The following RGL1 variants were observed in gnomAD, a reference collection of about 807,000 sequenced individuals.
RGL1 encodes the protein ral guanine nucleotide dissociation stimulator like 1, also known as ral guanine nucleotide dissociation stimulator-like 1.
Under a neutral mutation model 95.2 loss-of-function variants are expected in RGL1, and 24 were observed. The observed-to-expected ratio is 0.25, with a 90% CI of 0.18 to 0.35. The LOEUF (loss-of-function observed/expected upper bound fraction) is 0.35. Ranked by LOEUF, RGL1 falls within the 10% of genes least tolerant of loss-of-function variation. The pLI is 1.00. For missense variants in RGL1, 715 were observed against 936.3 expected (o/e 0.76, Z 3.08); for synonymous variants, 329 against 344.9 (o/e 0.95, Z 0.51).
At chr1:183,687,296 C>G (rs1474017867) in intron 1 of RGL1, among the ~76,000 whole-genome samples, 1 of 152,190 alleles carries the variant, frequency 6.6e-6, no homozygotes, top group Non-Finnish European at 1.5e-5. Flanking sequence ...ACCTAGAACA[C>G]TGCTGGCAGG....
At chr1:183,875,051 A>G (rs552278457) in intron 4 of RGL1, among the ~76,000 whole-genome samples, 28 of 152,334 alleles carry the variant, frequency 1.8e-4, no homozygotes, top group Non-Finnish European at 3.1e-4. Context: ...TTACCTTTTC[A>G]TTATCTGCAG....
At chr1:183,768,324 C>A (rs1312536962) in intron 2 of RGL1, among the ~76,000 whole-genome samples, 1 of 152,036 alleles carries the variant, frequency 6.6e-6, no homozygotes, top group South Asian at 2.1e-4. Flanking sequence ...TACTTTATAA[C>A]CTTTTTTAAA....
At chr1:183,689,770 G>C (rs2102107131) in intron 1 of RGL1, among the ~76,000 whole-genome samples, 1 of 152,320 alleles carries the variant, frequency 6.6e-6, no homozygotes, top group African/African-American at 2.4e-5. Context: ...GCAAGTAGGG[G>C]TGGTGGGACA....
At chr1:183,722,582 A>G (rs1656071716) in intron 1 of RGL1, among the ~76,000 whole-genome samples, 1 of 152,216 alleles carries the variant, frequency 6.6e-6, no homozygotes, top group African/African-American at 2.4e-5. Context: ...TTAAAATTAG[A>G]GAAAAAAGGG....
At chr1:183,641,818 T>A (rs1434881485) in intron 1 of RGL1, among the ~76,000 whole-genome samples, 1 of 152,244 alleles carries the variant, frequency 6.6e-6, no homozygotes, top group Non-Finnish European at 1.5e-5. Context: ...TTGATTATTC[T>A]TTTCTTCTAT....
At chr1:183,735,068 C>CT (rs71130632) in intron 1 of RGL1, among the ~76,000 whole-genome samples, 69,561 of 150,006 alleles carry the variant, frequency 0.46, 16,857 homozygotes, top group East Asian at 0.79. Flanking sequence ...CTGGATTTTT[C>CT]TTTTTTTTTT....
chr1:183,901,550 A>C (rs897053993), intron 11 of RGL1, among the ~76,000 whole-genome samples: 1 of 152,186 alleles, frequency 6.6e-6, no homozygotes, highest in African/African-American at 2.4e-5. Flanking sequence ...TTTAATGTTG[A>C]GTAGGACTAC....
chr1:183,892,893 A>G (rs779310874), intron 9 of RGL1, among the ~76,000 whole-genome samples: 12 of 152,246 alleles, frequency 7.9e-5, no homozygotes, highest in Admixed American at 3.9e-4. Context: ...GTCTTTCTAT[A>G]AAGTAGATTT....
chr1:183,805,335 C>T lies in RGL1; in HGVS notation c.27+11C>T. The T allele has an allele frequency of 6.2e-7, 1 of 1,608,792 alleles. No individual in the cohort carries two copies. The highest frequency in any genetic ancestry group is 8.5e-7 in the Non-Finnish European group (1 of 1,177,034). On this transcript the variant is annotated intron_variant, in intron 1 of 17. Transcript: ENST00000360851. ...TGGCAAGCTAAAATGGTAACGAGAG[C>T]TCTCTGCCTTCTCCCGAGGCTTCTC...
chr1:183,648,023 T>G (rs775980223), intron 1 of RGL1: 1 of 1,614,070 alleles, frequency 6.2e-7, no homozygotes, highest in East Asian at 2.2e-5. Context: ...CCTCCTGAGC[T>G]TTTGTGTTTG....
chr1:183,885,749 A>G (rs556576962), intron 7 of RGL1, among the ~76,000 whole-genome samples: 3 of 152,316 alleles, frequency 2.0e-5, no homozygotes, highest in Admixed American at 1.3e-4. Flanking sequence ...CCCGTACACA[A>G]ACAAGGAAGC....
chr1:183,796,415 G>A (rs1255360415), intron 2 of RGL1, among the ~76,000 whole-genome samples: 3 of 152,066 alleles, frequency 2.0e-5, no homozygotes, highest in African/African-American at 4.8e-5. Flanking sequence ...ACCTGCCTCC[G>A]CCTCCCAAAG....
Position 183,838,021 on chromosome 1 carries a change from G to A in RGL1, c.139-9545G>A, listed in dbSNP as rs566400248. Among the ~76,000 whole-genome samples, 27 of 152,304 alleles carry A rather than the reference G, an allele frequency of 1.8e-4. No individual in the cohort carries two copies. The South Asian group carries it at 5.4e-3, about 30-fold the overall frequency. On this transcript the variant is annotated intron_variant, in intron 2 of 17. Coordinates refer to ENST00000360851, the MANE Select transcript of RGL1 (RefSeq NM_001297671.3). Reference sequence around the variant, plus strand: ...CCCGGTTCCTAACAGGCCATAGACTGCTACTGGTCCATGGTGCAGGGGTTG... The same window carrying A: ...CCCGGTTCCTAACAGGCCATAGACTACTACTGGTCCATGGTGCAGGGGTTG...
At position 183,642,225 on chromosome 1, in the gene RGL1, A is replaced by ACGTATTAAG. The variant is rs370854499; in HGVS notation, c.-33+5724_-33+5725insCGTATTAAG. On this transcript the variant is annotated intron_variant, in intron 1 of 18. Transcript: ENST00000304685. The stretch of plus-strand genomic sequence containing the variant: ...ATTTTATTAGTAATAGCAACCACTT[A>ACGTATTAAG]ATACGTTTATTGTGTGTCAGACACT... Among the ~76,000 whole-genome samples, 287 of 152,328 alleles carry ACGTATTAAG rather than the reference A, an allele frequency of 1.9e-3. 6 individuals are homozygous for ACGTATTAAG. In the East Asian group the frequency reaches 0.043, roughly 23 times the overall value.
chr1:183,758,236 G>A (rs1000291443), intron 2 of RGL1, among the ~76,000 whole-genome samples: 5 of 148,630 alleles, frequency 3.4e-5, no homozygotes, highest in Non-Finnish European at 5.9e-5. Context: ...TCGCTCTGTC[G>A]CCCAGGCTGG....
At chr1:183,789,666 C>T (rs1285734988) in intron 2 of RGL1, among the ~76,000 whole-genome samples, 1 of 152,052 alleles carries the variant, frequency 6.6e-6, no homozygotes, top group Non-Finnish European at 1.5e-5. Flanking sequence ...TTTACCTCTA[C>T]TGATTTCTGC....
intron 1 of RGL1, chr1:183,647,688 CCTTT>C (rs747472682): frequency 6.3e-7 from 1 of 1,596,272 alleles, no homozygotes; most frequent in East Asian, 2.2e-5. Flanking sequence ...TTATTTCTTC[CCTTT>C]CTTCTTCTTC....
intron 2 of RGL1, among the ~76,000 whole-genome samples, chr1:183,765,895 T>C (rs1490626159): frequency 1.3e-5 from 2 of 152,140 alleles, no homozygotes; most frequent in Non-Finnish European, 2.9e-5. Flanking sequence ...TTTTTACTAA[T>C]AACATATTGA....
At chr1:183,759,180 G>A (rs1017355004) in intron 2 of RGL1, among the ~76,000 whole-genome samples, 4 of 152,198 alleles carry the variant, frequency 2.6e-5, no homozygotes, top group African/African-American at 9.7e-5. Context: ...CTAGAGAGAG[G>A]AGATATTCTG....
Sources: allele counts gnomAD v4.1 joint callset (sites outside exome capture counted in the v4.1 genomes callset), GRCh38; gene constraint gnomAD v4.1.1; transcripts MANE v1.5; gene names NCBI Gene and HGNC (gene_info 2026-07-23, HGNC 2026-07-21).